Variants in CUX1 observed in about 807,000 individuals in gnomAD.
CUX1 encodes protein CASP.
CUX1 carries 31 observed loss-of-function variants against 158.8 expected under a neutral mutation model. That is an observed-to-expected ratio of 0.20 (90% confidence interval 0.15 to 0.26). The LOEUF is 0.26. Ranked by LOEUF, CUX1 falls within the 10% of genes least tolerant of loss-of-function variation. The probability of loss-of-function intolerance (pLI) is 1.00; values close to 1 mark genes in which losing one functional copy is unlikely to be tolerated. For missense variants in CUX1, 1,589 were observed against 2,014.6 expected (o/e 0.79, Z 4.04); for synonymous variants, 879 against 862.1 (o/e 1.02, Z -0.34).
chr7:101,819,161 G>T (rs1283046940), intron 1 of CUX1, among the ~76,000 whole-genome samples: 1 of 152,226 alleles, frequency 6.6e-6, no homozygotes, highest in Non-Finnish European at 1.5e-5. Context: ...GGAAGTTTCA[G>T]TGCTTTGGTA....
At chr7:102,209,147 C>G (rs1344191251) in intron 20 of CUX1, among the ~76,000 whole-genome samples, 2 of 152,224 alleles carry the variant, frequency 1.3e-5, no homozygotes, top group Non-Finnish European at 1.5e-5. Flanking sequence ...CTTTTCCTCA[C>G]TGAGAGCTCC....
chr7:102,061,774 C>A (rs1005693350), intron 3 of CUX1, among the ~76,000 whole-genome samples: 3 of 152,138 alleles, frequency 2.0e-5, no homozygotes, highest in African/African-American at 7.2e-5. Flanking sequence ...GTGGCTCATG[C>A]CTGTAATCCC....
upstream of CUX1, chr7:101,816,925 C>T (rs529426207): frequency 2.8e-3 from 2,784 of 981,802 alleles, 68 homozygotes; most frequent in African/African-American, 0.046. Flanking sequence ...CGCGGACCCC[C>T]GGGTTTGTTT....
chr7:101,955,528 A>AC (rs2129165655), intron 2 of CUX1, among the ~76,000 whole-genome samples: 1 of 152,154 alleles, frequency 6.6e-6, no homozygotes, highest in East Asian at 1.9e-4. Flanking sequence ...GGCATGCCTG[A>AC]CCTCCGCACC....
rs144255106 is a variant in CUX1, at chr7:102,005,615, C to T, written c.142-22483C>T. On this transcript the variant is annotated intron_variant, in intron 2 of 23. Transcript: ENST00000292535. ...CCTCCCACAGGGCTGGGGTTATAGA[C>T]GTGAGCCACTGCACCTGGCCTCTTT... 3.0e-3 allele frequency among the ~76,000 whole-genome samples: 459 copies of T among 152,284 alleles called. 3 individuals carry two copies. The highest frequency in any genetic ancestry group is 1.0e-2 in the African/African-American group (415 of 41,560).
chr7:101,998,356 A>C lies in CUX1; in HGVS notation c.142-29742A>C, dbSNP rs148442489. ...GACTGTGTCTGAGCTGTAGGTGCAC[A>C]TTTACCGAGTGTGCACAGTGTGGAT... On this transcript the variant is annotated intron_variant, in intron 2 of 23. Coordinates refer to ENST00000292535, the MANE Select transcript of CUX1 (RefSeq NM_181552.4). Among the ~76,000 whole-genome samples, 505 of 152,312 alleles carry C rather than the reference A, an allele frequency of 3.3e-3. 4 individuals carry two copies. Among genetic ancestry groups the C allele is most frequent in the Non-Finnish European group, 5.6e-3 (379 of 68,010 alleles).
intron 2 of CUX1, chr7:101,961,918 G>C (rs963834441): frequency 6.6e-6 from 1 of 151,606 alleles, no homozygotes; most frequent in African/African-American, 2.4e-5. Flanking sequence ...GTAGTACATG[G>C]GTCAGGCTTA....
At chr7:102,051,349 G>GAA (rs758960022) in intron 3 of CUX1, among the ~76,000 whole-genome samples, 1 of 140,780 alleles carries the variant, frequency 7.1e-6, no homozygotes, top group Non-Finnish European at 1.6e-5. Flanking sequence ...ATTTGTGTTT[G>GAA]AAAAAAAAAA....
At chr7:102,039,599 A>G (rs529252752) in intron 3 of CUX1, among the ~76,000 whole-genome samples, 4 of 151,700 alleles carry the variant, frequency 2.6e-5, no homozygotes, top group Admixed American at 2.6e-4. Flanking sequence ...AGGCTGCAGT[A>G]ACCTATGATC....
chr7:102,280,653 G>T, intron 19 of CUX1: 1 of 673,700 alleles, frequency 1.5e-6, no homozygotes, highest in Middle Eastern at 3.8e-4. Flanking sequence ...GTGCACCCAG[G>T]GAAGCCCCTG....
intron 11 of CUX1, among the ~76,000 whole-genome samples, chr7:102,179,631 A>G (rs1554513344): frequency 6.6e-6 from 1 of 152,244 alleles, no homozygotes; most frequent in Admixed American, 6.5e-5. Context: ...TTTTCCACAT[A>G]TTAAAAAGTA....
chr7:101,908,696 T>G (rs1272281835), intron 1 of CUX1, among the ~76,000 whole-genome samples: 1 of 152,168 alleles, frequency 6.6e-6, no homozygotes, highest in Non-Finnish European at 1.5e-5. Flanking sequence ...CAGTCAGGGT[T>G]GACTTATGAT....
At chr7:102,164,691 T>A (rs192731767) in intron 9 of CUX1, among the ~76,000 whole-genome samples, 2 of 152,226 alleles carry the variant, frequency 1.3e-5, no homozygotes, top group African/African-American at 4.8e-5. Flanking sequence ...CCCGACCTCC[T>A]TCCTGCAGAG....
rs184845809 is a variant in CUX1, at chr7:102,116,069, C to A, written c.674+796C>A. 3.3e-5 allele frequency among the ~76,000 whole-genome samples: 5 copies of A among 152,118 alleles called. No homozygotes were observed. In the East Asian group the frequency reaches 9.6e-4, roughly 29 times the overall value. On this transcript the variant is annotated intron_variant, in intron 8 of 23. Transcript: ENST00000292535. ...TCCCTATTCCAGTTACAAAGGTCCC[C>A]GCACTCTGCTCACACAGTGCCTCCG...
At position 102,115,280 on chromosome 7, in the gene CUX1, C is replaced by G. The variant is rs376486106; in HGVS notation, c.674+7C>G. The stretch of plus-strand genomic sequence containing the variant: ...ATGAAGAAACTACTGCAAAGTAAGT[C>G]TCTCTGCTTGGCCTCCCTTATCCGT... On this transcript the variant is annotated splice_region_variant and intron_variant, in intron 8 of 23. Transcript: ENST00000292535. The G allele has an allele frequency of 3.9e-5, 62 of 1,607,158 alleles. No individual in the cohort carries two copies. The highest frequency in any genetic ancestry group is 5.0e-5 in the Non-Finnish European group (59 of 1,178,280).
intron 1 of CUX1, among the ~76,000 whole-genome samples, chr7:101,859,755 G>T (rs558527059): frequency 6.6e-6 from 1 of 152,078 alleles, no homozygotes; most frequent in Non-Finnish European, 1.5e-5. Context: ...CAGCCAGAAG[G>T]CTTCATGGGT....
chr7:101,910,914 G>T (rs891338132), intron 1 of CUX1, among the ~76,000 whole-genome samples: 1 of 152,238 alleles, frequency 6.6e-6, no homozygotes, highest in Admixed American at 6.5e-5. Context: ...AAAGTCTGGA[G>T]TTGGGGGCAG....
intron 8 of CUX1, among the ~76,000 whole-genome samples, chr7:102,135,588 T>TGC (rs201648747): frequency 1.3e-5 from 2 of 151,578 alleles, no homozygotes; most frequent in African/African-American, 2.4e-5. Context: ...TGTGTGTGTG[T>TGC]ATGTACACAC....
At chr7:102,068,182 G>T (rs924128506) in intron 3 of CUX1, among the ~76,000 whole-genome samples, 1 of 151,774 alleles carries the variant, frequency 6.6e-6, no homozygotes, top group Non-Finnish European at 1.5e-5. Context: ...GCCTCGAACT[G>T]CTAGGCTCAG....
Sources: allele counts gnomAD v4.1 joint callset (sites outside exome capture counted in the v4.1 genomes callset), GRCh38; gene constraint gnomAD v4.1.1; transcripts MANE v1.5; gene names NCBI Gene and HGNC (gene_info 2026-07-23, HGNC 2026-07-21).